Variants in ANO3 observed in about 807,000 individuals in gnomAD.
The protein encoded by ANO3 is anoctamin 3.
In ANO3, 99 loss-of-function variants were observed where a neutral mutation model predicts 144.8. That is an observed-to-expected ratio of 0.68 (90% confidence interval 0.58 to 0.81). The LOEUF is 0.81. ANO3 is among the 30% of genes least tolerant of loss of function. The pLI, the probability that ANO3 is intolerant of heterozygous loss-of-function variation, is 0.00. For missense variants in ANO3, 905 were observed against 1,202.2 expected, an observed-to-expected ratio of 0.75 and a Z score of 3.66; for synonymous variants, 414 against 392.6, an observed-to-expected ratio of 1.05 and a Z score of -0.64.
At chr11:26,406,763 C>G (rs1156455153) in intron 1 of ANO3, among the ~76,000 whole-genome samples, 3 of 145,082 alleles carry the variant, frequency 2.1e-5, no homozygotes, top group Non-Finnish European at 3.0e-5. Context: ...GCATGATGAT[C>G]TGTATTGCCA....
At chr11:26,257,489 C>T (rs1853086816) in intron 1 of ANO3, among the ~76,000 whole-genome samples, 1 of 152,068 alleles carries the variant, frequency 6.6e-6, no homozygotes, top group African/African-American at 2.4e-5. Context: ...ATGTAATCCT[C>T]TTGAATTATA....
At chr11:26,371,882 C>T (rs1856269979) in intron 1 of ANO3, among the ~76,000 whole-genome samples, 1 of 152,122 alleles carries the variant, frequency 6.6e-6, no homozygotes, top group Non-Finnish European at 1.5e-5. Flanking sequence ...TGTGCAGACT[C>T]ATAGGTGGAA....
intron 26 of ANO3, among the ~76,000 whole-genome samples, chr11:26,657,901 C>A (rs886142069): frequency 3.3e-5 from 5 of 151,930 alleles, no homozygotes; most frequent in African/African-American, 4.8e-5. Flanking sequence ...AAATATTTTC[C>A]CCATTCTATC....
chr11:26,484,895 G>T (rs1860382018), intron 4 of ANO3, among the ~76,000 whole-genome samples: 1 of 152,182 alleles, frequency 6.6e-6, no homozygotes, highest in African/African-American at 2.4e-5. Flanking sequence ...GGAGATTTAT[G>T]ATTTAATAAC....
In ANO3 at chr11:26,366,006, T is replaced by TA. The variant is rs1564985017; in HGVS notation, c.46+33687dup. Reference sequence around the variant, plus strand: ...TATATATATATATATATATATATTTTAATTATACTTTAAGTTCTAGGGTAC... The same window carrying TA: ...TATATATATATATATATATATATTTTAAATTATACTTTAAGTTCTAGGGTAC... On this transcript the variant is annotated intron_variant, in intron 1 of 26. Transcript: ENST00000256737. Among the ~76,000 whole-genome samples, 746 of 101,684 alleles carry TA rather than the reference T, an allele frequency of 7.3e-3. 23 individuals are homozygous for TA. Among genetic ancestry groups the TA allele is most frequent in the African/African-American group, 0.03 (722 of 24,282 alleles). 66.7% of individuals were successfully genotyped at this position (101,684 alleles called of 152,430 possible).
chr11:26,260,160 TG>T (rs1853153758), intron 1 of ANO3, among the ~76,000 whole-genome samples: 1 of 152,086 alleles, frequency 6.6e-6, no homozygotes, highest in Admixed American at 6.6e-5. Flanking sequence ...ACAGGCTTTT[TG>T]GGCTCTTTAT....
intron 4 of ANO3, among the ~76,000 whole-genome samples, chr11:26,486,360 CAAAA>C (rs10681114): frequency 4.0e-5 from 3 of 74,320 alleles, no homozygotes; most frequent in Non-Finnish European, 7.7e-5. Context: ...GACTCTGTCT[CAAAA>C]AAAAAAAAAA....
At chr11:26,240,419 A>G (rs1352569847) in intron 1 of ANO3, among the ~76,000 whole-genome samples, 4 of 152,222 alleles carry the variant, frequency 2.6e-5, no homozygotes, top group African/African-American at 9.6e-5. Context: ...AAGTCCTATT[A>G]TACAAAAACA....
chr11:26,567,045 T>A (rs1194037608), intron 14 of ANO3: 1 of 1,495,418 alleles, frequency 6.7e-7, no homozygotes, highest in East Asian at 2.5e-5. Flanking sequence ...TCTTATTTGA[T>A]ACTTACAACA....
chr11:26,623,878 C>A (rs11029651), intron 17 of ANO3, among the ~76,000 whole-genome samples: 44,157 of 151,930 alleles, frequency 0.29, 6,760 homozygotes, highest in South Asian at 0.46. Context: ...GTTCTGCCTC[C>A]CGGTTTCACG....
At chr11:26,539,632 T>G (rs1456241564) in intron 10 of ANO3, among the ~76,000 whole-genome samples, 1 of 152,124 alleles carries the variant, frequency 6.6e-6, no homozygotes, top group Non-Finnish European at 1.5e-5. Context: ...ATGGCAACCT[T>G]GAGGCACCTG....
chr11:26,604,250 T>C (rs1262055551), intron 17 of ANO3, among the ~76,000 whole-genome samples: 1 of 152,194 alleles, frequency 6.6e-6, no homozygotes, highest in African/African-American at 2.4e-5. Context: ...CTGAGGTCTC[T>C]GTACTGTTCC....
At chr11:26,441,543 G>A (rs1858523094) in intron 1 of ANO3, among the ~76,000 whole-genome samples, 1 of 152,128 alleles carries the variant, frequency 6.6e-6, no homozygotes, top group Non-Finnish European at 1.5e-5. Flanking sequence ...TAATTTCAAT[G>A]GTTATATATT....
At chr11:26,199,560 A>G (rs1345738225) in intron 1 of ANO3, among the ~76,000 whole-genome samples, 1 of 152,198 alleles carries the variant, frequency 6.6e-6, no homozygotes, top group Non-Finnish European at 1.5e-5. Context: ...ATATTTAACC[A>G]TCTGGTTAGG....
intron 14 of ANO3, among the ~76,000 whole-genome samples, chr11:26,570,190 T>A (rs1013243614): frequency 6.6e-6 from 1 of 152,134 alleles, no homozygotes; most frequent in Non-Finnish European, 1.5e-5. Context: ...TGTCACTGTT[T>A]TAGAACAACT....
chr11:26,255,191 G>T (rs17243217), intron 1 of ANO3, among the ~76,000 whole-genome samples: 1 of 152,146 alleles, frequency 6.6e-6, no homozygotes, highest in Non-Finnish European at 1.5e-5. Context: ...TAGAGTAAAT[G>T]TGTTTTAATG....
intron 5 of ANO3, among the ~76,000 whole-genome samples, chr11:26,514,636 C>T (rs1368385126): frequency 6.6e-6 from 1 of 152,034 alleles, no homozygotes; most frequent in Non-Finnish European, 1.5e-5. Flanking sequence ...TGAGGAAATT[C>T]AAACTATGCT....
chr11:26,323,574 C>T (rs1027928057), intron 1 of ANO3, among the ~76,000 whole-genome samples: 1 of 152,084 alleles, frequency 6.6e-6, no homozygotes, highest in African/African-American at 2.4e-5. Flanking sequence ...TTAGCCATTT[C>T]AAAACACGTG....
chr11:26,602,038 C>G (rs141939003), intron 17 of ANO3, among the ~76,000 whole-genome samples: 1 of 152,036 alleles, frequency 6.6e-6, no homozygotes, highest in Non-Finnish European at 1.5e-5. Flanking sequence ...ATCTATTGCA[C>G]GTGAAATGGG....
Sources: allele counts gnomAD v4.1 joint callset (sites outside exome capture counted in the v4.1 genomes callset), GRCh38; gene constraint gnomAD v4.1.1; transcripts MANE v1.5; gene names NCBI Gene and HGNC (gene_info 2026-07-23, HGNC 2026-07-21).